The following SAMMSON variants were observed in gnomAD, a reference collection of about 807,000 sequenced individuals.
The protein encoded by SAMMSON is long intergenic non-protein coding RNA 1212.
intron 4 of SAMMSON, among the ~76,000 whole-genome samples, chr3:70,156,755 A>C (rs1310748022): frequency 1.3e-5 from 2 of 152,082 alleles, no homozygotes; most frequent in African/African-American, 4.8e-5. Flanking sequence ...TTTTGGAAGA[A>C]TTATGGAAAG....
At chr3:70,215,727 G>T (rs963483359) in intron 4 of SAMMSON, among the ~76,000 whole-genome samples, 1 of 152,076 alleles carries the variant, frequency 6.6e-6, no homozygotes, top group Non-Finnish European at 1.5e-5. Flanking sequence ...AAGCCATTCA[G>T]CTCAATTTCT....
At chr3:70,425,697 G>T (rs921522266) in intron 2 of SAMMSON, among the ~76,000 whole-genome samples, 1 of 151,958 alleles carries the variant, frequency 6.6e-6, no homozygotes, top group Non-Finnish European at 1.5e-5. Context: ...ATGAGCCACC[G>T]TGCCCAAGTT....
At chr3:70,017,995 A>T (rs1041549330) in intron 3 of SAMMSON, among the ~76,000 whole-genome samples, 2 of 152,166 alleles carry the variant, frequency 1.3e-5, no homozygotes, top group African/African-American at 2.4e-5. Flanking sequence ...CCAGTATTTT[A>T]TTGAGGATTT....
chr3:70,382,331 C>G (rs1311347710), intron 9 of SAMMSON, among the ~76,000 whole-genome samples: 1 of 152,038 alleles, frequency 6.6e-6, no homozygotes, highest in Non-Finnish European at 1.5e-5. Context: ...TAATTCCACC[C>G]AAACATATAT....
At chr3:70,083,153 A>C (rs966199440) in intron 4 of SAMMSON, among the ~76,000 whole-genome samples, 1 of 152,226 alleles carries the variant, frequency 6.6e-6, no homozygotes, top group Non-Finnish European at 1.5e-5. Flanking sequence ...TATCAGAAGC[A>C]AAAGCACTCA....
chr3:70,083,974 A>C (rs115212767), intron 4 of SAMMSON, among the ~76,000 whole-genome samples: 1 of 152,202 alleles, frequency 6.6e-6, no homozygotes, highest in Non-Finnish European at 1.5e-5. Flanking sequence ...TTACATAGCT[A>C]TGATTCCTAG....
At chr3:70,167,869 A>T (rs562282771) in intron 4 of SAMMSON, among the ~76,000 whole-genome samples, 6 of 152,062 alleles carry the variant, frequency 3.9e-5, no homozygotes, top group Non-Finnish European at 8.8e-5. Context: ...TGCTGTCCTT[A>T]TCACTGAATT....
At chr3:70,113,431 T>C (rs1321490682) in intron 4 of SAMMSON, among the ~76,000 whole-genome samples, 4 of 152,228 alleles carry the variant, frequency 2.6e-5, no homozygotes, top group Non-Finnish European at 5.9e-5. Flanking sequence ...ACAAGCAGTC[T>C]ATTTACAAAG....
intron 3 of SAMMSON, among the ~76,000 whole-genome samples, chr3:70,040,243 C>G (rs572072697): frequency 1.3e-5 from 2 of 152,190 alleles, no homozygotes; most frequent in South Asian, 4.2e-4. Flanking sequence ...TATATGTCAC[C>G]TGTGAATACT....
rs528041504 is a variant in SAMMSON at position 70,071,608 on chromosome 3, A to G, written n.507+43A>G. 9 of 152,156 alleles carry G rather than the reference A, an allele frequency of 5.9e-5. No individual in the cohort carries two copies. The South Asian group carries it at 1.9e-3, about 32-fold the overall frequency. 9.4% of individuals were successfully genotyped at this position (152,156 alleles called of 1,614,324 possible). On this transcript the variant is annotated intron_variant and non_coding_transcript_variant, in intron 4 of 9. Transcript: ENST00000642114. The stretch of plus-strand genomic sequence containing the variant: ...CGGCATTGAGAGAACATACGTAATC[A>G]GATACCTGTTCTCCCTGAGTTTCTT...
chr3:70,089,519 A>G (rs879372279), intron 4 of SAMMSON, among the ~76,000 whole-genome samples: 2 of 89,500 alleles, frequency 2.2e-5, no homozygotes, highest in African/African-American at 9.0e-5. Flanking sequence ...AACATCGTGC[A>G]TTTTTTAGGC....
intron 4 of SAMMSON, among the ~76,000 whole-genome samples, chr3:70,082,386 C>T (rs1015459270): frequency 5.3e-5 from 8 of 152,074 alleles, no homozygotes; most frequent in Non-Finnish European, 7.4e-5. Context: ...GCCAGGGGTT[C>T]GGGGCAGTGT....
At chr3:70,104,987 G>A (rs901271226) in intron 4 of SAMMSON, among the ~76,000 whole-genome samples, 1 of 151,958 alleles carries the variant, frequency 6.6e-6, no homozygotes, top group Admixed American at 6.6e-5. Flanking sequence ...GGGGAAAGCA[G>A]TAAAAAAAAT....
chr3:70,433,963 G>A (rs1701436477), intron 2 of SAMMSON, among the ~76,000 whole-genome samples: 1 of 152,110 alleles, frequency 6.6e-6, no homozygotes, highest in Non-Finnish European at 1.5e-5. Flanking sequence ...ATTTATGCAG[G>A]TAAGCTACTA....
chr3:70,312,099 A>G, intron 7 of SAMMSON: 1 of 389,938 alleles, frequency 2.6e-6, no homozygotes, highest in Non-Finnish European at 4.5e-6. Context: ...TTTTCAGTTC[A>G]CTGTCCAATG....
chr3:70,315,280 T>C (rs1488134828), intron 7 of SAMMSON, among the ~76,000 whole-genome samples: 1 of 152,164 alleles, frequency 6.6e-6, no homozygotes, highest in East Asian at 1.9e-4. Flanking sequence ...GGCCTCTAAC[T>C]GCCATTTGAT....
intron 3 of SAMMSON, among the ~76,000 whole-genome samples, chr3:70,042,980 C>T (rs781164074): frequency 3.3e-5 from 5 of 152,052 alleles, no homozygotes; most frequent in Non-Finnish European, 7.4e-5. Context: ...TTAGGAGTAA[C>T]AAGAGTGTAT....
chr3:70,248,871 T>C (rs1254818524), intron 4 of SAMMSON, among the ~76,000 whole-genome samples: 1 of 152,114 alleles, frequency 6.6e-6, no homozygotes, highest in African/African-American at 2.4e-5. Context: ...GGAAATCAAT[T>C]GAAAGGACTC....
At chr3:70,200,295 C>T (rs748104571) in intron 4 of SAMMSON, among the ~76,000 whole-genome samples, 11 of 152,180 alleles carry the variant, frequency 7.2e-5, no homozygotes, top group Non-Finnish European at 1.2e-4. Context: ...AAACAACTCA[C>T]TCTCCCCTTA....
Sources: gnomAD v4.1 joint callset for allele counts (sites outside exome capture counted in the v4.1 genomes callset) on GRCh38, gnomAD v4.1.1 for gene constraint, MANE v1.5 for transcripts, NCBI Gene and HGNC (gene_info 2026-07-23, HGNC 2026-07-21) for gene names.